SLC16A2: variants seen among roughly 807,000 people sequenced by gnomAD.
SLC16A2 encodes monocarboxylate transporter 8.
In SLC16A2, 3 loss-of-function variants were observed where a neutral mutation model predicts 27.2. The ratio of observed to expected loss-of-function variants is 0.11; its 90% CI spans 0.05 to 0.28. The LOEUF is 0.28. Ranked by LOEUF, SLC16A2 falls within the 10% of genes least tolerant of loss-of-function variation. SLC16A2 has a pLI of 1.00. For missense variants in SLC16A2, 295 were observed against 458.5 expected (o/e 0.64, Z 3.26); for synonymous variants, 202 against 187.8 (o/e 1.08, Z -0.62).
chrX:74,452,518 T>G (rs1309205710), intron 1 of SLC16A2, among the ~76,000 whole-genome samples: 3 of 111,428 alleles, frequency 2.7e-5, no homozygotes. Context: ...ACTAGAAAAT[T>G]TCAGAGTTTG....
chrX:74,524,305 C>G (rs1241012829), intron 2 of SLC16A2, 54 bp from the exon 3 acceptor site: 4 of 1,149,571 alleles, frequency 3.5e-6, no homozygotes, highest in Admixed American at 2.2e-5. Flanking sequence ...CAGGGGAGGG[C>G]AGGTAGATTG....
intron 1 of SLC16A2, among the ~76,000 whole-genome samples, chrX:74,453,627 G>T (rs779823686): frequency 9.0e-6 from 1 of 110,575 alleles, no homozygotes; most frequent in East Asian, 2.9e-4. Context: ...ATCTTGGAGT[G>T]CAGTGGCTAT....
In SLC16A2 at chrX:74,533,288, G is replaced by A. The variant is rs1275338071; in HGVS notation, c.*1735G>A. ...GTTGGCCTCCAATGATTTCATTCAAGGCCAAAGTCCTGAGCCCCCTCCGCT... is the reference window on the plus strand; with the variant it reads ...GTTGGCCTCCAATGATTTCATTCAAAGCCAAAGTCCTGAGCCCCCTCCGCT... On this transcript the variant is annotated 3_prime_UTR_variant, in exon 6 of 6. Coordinates refer to ENST00000587091, the MANE Select transcript of SLC16A2 (RefSeq NM_006517.5). The A allele has an allele frequency of 2.7e-5, 3 of 112,135 alleles. No homozygotes were observed. Among genetic ancestry groups the A allele is most frequent in the Non-Finnish European group, 5.6e-5 (3 of 53,124 alleles). 9.2% of individuals were successfully genotyped at this position (112,135 alleles called of 1,213,427 possible). A position where few individuals can be genotyped will look rare whatever the true frequency, so the allele number is the denominator to read the frequency against.
At chrX:74,450,529 C>A (rs1317556476) in intron 1 of SLC16A2, among the ~76,000 whole-genome samples, 1 of 111,554 alleles carries the variant, frequency 9.0e-6, no homozygotes, top group African/African-American at 3.3e-5. Flanking sequence ...CACCCCTGCT[C>A]TGCCCCGCCC....
rs961910617 is a variant in SLC16A2, at chrX:74,434,820, T to G, written c.430+12753T>G. Among the ~76,000 whole-genome samples, 29 of 104,526 alleles carry G rather than the reference T, an allele frequency of 2.8e-4. 1 individual carries two copies. The highest frequency in any genetic ancestry group is 5.1e-4 in the Non-Finnish European group (26 of 50,919). 90.8% of individuals were successfully genotyped at this position (104,526 alleles called of 115,157 possible). ...TTGTAGTTTACATCTTAGTTTGTTT[T>G]TTTTTTTTTTTTTGAGATGGAGTCT... On this transcript the variant is annotated intron_variant, in intron 1 of 5. Transcript: ENST00000587091.
chrX:74,443,496 C>T (rs142869937), intron 1 of SLC16A2, among the ~76,000 whole-genome samples: 258 of 112,039 alleles, frequency 2.3e-3, no homozygotes, highest in African/African-American at 8.0e-3. Flanking sequence ...GAGTGACCCC[C>T]AGTCAGCTCG....
intron 1 of SLC16A2, among the ~76,000 whole-genome samples, chrX:74,479,467 G>T (rs1569292040): frequency 8.9e-6 from 1 of 111,969 alleles, no homozygotes. Context: ...ATCTTCTGAA[G>T]GCTTCTTCTC....
intron 1 of SLC16A2, among the ~76,000 whole-genome samples, chrX:74,469,757 A>G (rs1929319908): frequency 9.0e-6 from 1 of 111,053 alleles, no homozygotes; most frequent in Admixed American, 9.7e-5. Flanking sequence ...CCCAGCATGC[A>G]CAGCACCTCC....
intron 1 of SLC16A2, among the ~76,000 whole-genome samples, chrX:74,465,462 T>G (rs1355016932): frequency 9.0e-6 from 1 of 110,715 alleles, no homozygotes; most frequent in Non-Finnish European, 1.9e-5. Context: ...GCCGATCAGG[T>G]TCTTGCTGCT....
chrX:74,440,138 C>A (rs766320797), intron 1 of SLC16A2, among the ~76,000 whole-genome samples: 16 of 111,479 alleles, frequency 1.4e-4, no homozygotes, highest in Non-Finnish European at 2.6e-4. Flanking sequence ...CTTAGGTGGC[C>A]CAGCCATGAC....
chrX:74,514,514 A>C (rs1238265985), intron 1 of SLC16A2, among the ~76,000 whole-genome samples: 1 of 111,102 alleles, frequency 9.0e-6, no homozygotes, highest in Non-Finnish European at 1.9e-5. Context: ...GTAGGAAGCC[A>C]GGAATTTCTT....
chrX:74,450,116 A>C (rs1419101200), intron 1 of SLC16A2, among the ~76,000 whole-genome samples: 1 of 112,286 alleles, frequency 8.9e-6, no homozygotes. Context: ...GCAAGCATCA[A>C]GGCAAGTCCT....
At chrX:74,479,982 G>T (rs1292671698) in intron 1 of SLC16A2, among the ~76,000 whole-genome samples, 3 of 112,120 alleles carry the variant, frequency 2.7e-5, no homozygotes, top group Non-Finnish European at 5.6e-5. Context: ...CAAGCTGCAT[G>T]CTGGGAGAAC....
chrX:74,439,026 C>G (rs1928675021), intron 1 of SLC16A2, among the ~76,000 whole-genome samples: 1 of 110,850 alleles, frequency 9.0e-6, no homozygotes, highest in South Asian at 3.9e-4. Flanking sequence ...AGTCACTGGC[C>G]CATATGCCCC....
intron 1 of SLC16A2, among the ~76,000 whole-genome samples, chrX:74,467,983 C>A (rs1169373041): frequency 8.9e-6 from 1 of 111,850 alleles, no homozygotes; most frequent in Non-Finnish European, 1.9e-5. Context: ...AACCACTGTT[C>A]ATGCTGTTCC....
rs766453898 is a variant in SLC16A2 at position 74,531,631 on chromosome X, C to T, written c.*78C>T. ...CTGCTCAGCATTTACATTTTTGCCA[C>T]CAGCACACTTGTTCCCAGACCTGCG... is the stretch of plus-strand genomic sequence containing the variant. On this transcript the variant is annotated 3_prime_UTR_variant, in exon 6 of 6. Transcript: ENST00000587091. 21 of 796,968 alleles carry T rather than the reference C, an allele frequency of 2.6e-5. No homozygotes were observed. Among genetic ancestry groups the T allele is most frequent in the Admixed American group, 6.7e-5 (3 of 44,460 alleles). 65.7% of individuals were successfully genotyped at this position (796,968 alleles called of 1,213,427 possible). A position where few individuals can be genotyped will look rare whatever the true frequency, so the allele number is the denominator to read the frequency against.
At position 74,531,523 on chromosome X, in the gene SLC16A2, G is replaced by A. The variant is rs150369288; in HGVS notation, c.1590G>A (p.Pro530=). The change falls in exon 6 of 6, where the codon CCG becomes CCA. Residue 530 remains proline, a synonymous_variant. Coordinates refer to ENST00000587091, the MANE Select transcript of SLC16A2 (RefSeq NM_006517.5). The part of the protein sequence containing the change: ...PDPDPNGELL[P]GSPNPEEPI Reference sequence around the variant, plus strand: ...CAGACCCCAATGGGGAGCTACTGCCGGGCTCCCCCAACCCTGAGGAACCAA... The same window carrying A: ...CAGACCCCAATGGGGAGCTACTGCCAGGCTCCCCCAACCCTGAGGAACCAA... 141 of 1,206,470 alleles carry A rather than the reference G, an allele frequency of 1.2e-4. No homozygotes were observed. Among genetic ancestry groups the A allele is most frequent in the Non-Finnish European group, 1.3e-4 (120 of 892,781 alleles).
chrX:74,455,381 C>T (rs761074014), intron 1 of SLC16A2, among the ~76,000 whole-genome samples: 12 of 110,923 alleles, frequency 1.1e-4, no homozygotes, highest in Non-Finnish European at 2.3e-4. Flanking sequence ...AGTGAGCTGT[C>T]TCAGGGTCAT....
chrX:74,498,547 G>A (rs190084076), intron 1 of SLC16A2, among the ~76,000 whole-genome samples: 1 of 111,372 alleles, frequency 9.0e-6, no homozygotes, highest in Admixed American at 9.6e-5. Context: ...CTGAGCCTTT[G>A]GGGAGACTGA....
Sources: gnomAD v4.1 joint callset for allele counts (sites outside exome capture counted in the v4.1 genomes callset) on GRCh38, gnomAD v4.1.1 for gene constraint, MANE v1.5 for transcripts, NCBI Gene and HGNC (gene_info 2026-07-23, HGNC 2026-07-21) for gene names.